The following CHCHD6 variants were observed in gnomAD, a reference collection of about 807,000 sequenced individuals.
CHCHD6 encodes coiled-coil-helix-coiled-coil-helix domain containing 6.
CHCHD6 carries 28 observed loss-of-function variants against 32.3 expected under a neutral mutation model. That is an observed-to-expected ratio of 0.87 (90% CI 0.64 to 1.19). The LOEUF (loss-of-function observed/expected upper bound fraction) is 1.19, where lower values mean the gene tolerates loss of function less well. Among genes scored for constraint, CHCHD6 ranks in the 50% most tolerant of loss-of-function variants. The pLI is 0.00. For missense variants in CHCHD6, 333 were observed against 307.0 expected (o/e 1.08, Z -0.63); for synonymous variants, 122 against 117.5 (o/e 1.04, Z -0.25).
At chr3:126,866,523 T>G (rs1942294006) in intron 5 of CHCHD6, among the ~76,000 whole-genome samples, 2 of 152,250 alleles carry the variant, frequency 1.3e-5, no homozygotes, top group Non-Finnish European at 2.9e-5. Context: ...AGTTGTCACA[T>G]GAATGATTTG....
chr3:126,853,314 A>G (rs895923092), intron 5 of CHCHD6, among the ~76,000 whole-genome samples: 1 of 150,770 alleles, frequency 6.6e-6, no homozygotes, highest in Non-Finnish European at 1.5e-5. Flanking sequence ...TAACTTGCTT[A>G]TTTTTTGGTT....
chr3:126,790,155 A>G (rs534291085), intron 4 of CHCHD6, among the ~76,000 whole-genome samples: 10 of 151,092 alleles, frequency 6.6e-5, no homozygotes, highest in African/African-American at 2.4e-4. Flanking sequence ...ATCGGCCCCC[A>G]CTCTCTTCTG....
intron 7 of CHCHD6, among the ~76,000 whole-genome samples, chr3:126,958,699 G>T (rs532855105): frequency 9.8e-5 from 15 of 152,328 alleles, no homozygotes; most frequent in African/African-American, 3.4e-4. Flanking sequence ...ATGAGTGGTC[G>T]CAAGGCCTCT....
At chr3:126,738,090 TC>T (rs1936127930) in intron 4 of CHCHD6, among the ~76,000 whole-genome samples, 1 of 152,200 alleles carries the variant, frequency 6.6e-6, no homozygotes, top group African/African-American at 2.4e-5. Flanking sequence ...AGAGTAGCTG[TC>T]CTGTCCTGTT....
intron 5 of CHCHD6, among the ~76,000 whole-genome samples, chr3:126,911,487 G>A (rs116560258): frequency 0.012 from 1,815 of 152,362 alleles, 20 homozygotes; most frequent in Middle Eastern, 0.048. Flanking sequence ...CGAGTGCCAA[G>A]GGAGCTGCGG....
chr3:126,776,236 T>C (rs560537868), intron 4 of CHCHD6, among the ~76,000 whole-genome samples: 12 of 152,372 alleles, frequency 7.9e-5, no homozygotes, highest in African/African-American at 2.9e-4. Context: ...GCTCCTAAAT[T>C]ATATTTTGCA....
intron 1 of CHCHD6, among the ~76,000 whole-genome samples, chr3:126,710,333 T>C (rs1934691688): frequency 6.6e-6 from 1 of 152,200 alleles, no homozygotes; most frequent in Non-Finnish European, 1.5e-5. Context: ...CATGCTGTCA[T>C]GCTGATTATT....
chr3:126,762,318 G>A (rs1002755716), intron 4 of CHCHD6, among the ~76,000 whole-genome samples: 4 of 152,080 alleles, frequency 2.6e-5, no homozygotes, highest in Admixed American at 1.3e-4. Flanking sequence ...CTTCTATCCC[G>A]TAAGTTTTGG....
chr3:126,722,274 G>A (rs1000382016), intron 1 of CHCHD6, among the ~76,000 whole-genome samples: 2 of 152,158 alleles, frequency 1.3e-5, no homozygotes, highest in Admixed American at 1.3e-4. Flanking sequence ...TTTTGCCTCA[G>A]CCTCCCAAGA....
At chr3:126,759,407 T>A (rs1244759025) in intron 4 of CHCHD6, among the ~76,000 whole-genome samples, 5 of 152,230 alleles carry the variant, frequency 3.3e-5, no homozygotes. Flanking sequence ...TCAGTTTTCC[T>A]TGTCCCAATC....
At chr3:126,823,584 C>G (rs1288767048) in intron 4 of CHCHD6, among the ~76,000 whole-genome samples, 1 of 152,058 alleles carries the variant, frequency 6.6e-6, no homozygotes, top group Non-Finnish European at 1.5e-5. Flanking sequence ...AATTGACTTA[C>G]TAGTTCATGT....
At chr3:126,939,441 G>A (rs772367634) in intron 6 of CHCHD6, among the ~76,000 whole-genome samples, 12 of 152,136 alleles carry the variant, frequency 7.9e-5, no homozygotes, top group Admixed American at 6.5e-4. Flanking sequence ...GATTTCATGC[G>A]CATTTCAGCC....
intron 4 of CHCHD6, among the ~76,000 whole-genome samples, chr3:126,819,659 C>G (rs1391775543): frequency 6.6e-6 from 1 of 152,194 alleles, no homozygotes; most frequent in Non-Finnish European, 1.5e-5. Context: ...CTGAGATGAT[C>G]AGTGGCCACA....
chr3:126,839,764 G>C (rs565706525), intron 4 of CHCHD6, among the ~76,000 whole-genome samples: 1 of 151,768 alleles, frequency 6.6e-6, no homozygotes, highest in Non-Finnish European at 1.5e-5. Context: ...AATATAATTC[G>C]TTTCTTTGGT....
At chr3:126,751,280 T>C (rs1429747936) in intron 4 of CHCHD6, among the ~76,000 whole-genome samples, 1 of 151,972 alleles carries the variant, frequency 6.6e-6, no homozygotes, top group Non-Finnish European at 1.5e-5. Flanking sequence ...GGTGGGCCGA[T>C]TGCTTGAGGC....
chr3:126,865,760 T>A, intron 5 of CHCHD6: 1 of 979,526 alleles, frequency 1.0e-6, no homozygotes, highest in Non-Finnish European at 1.2e-6. Context: ...AAAGATGTGT[T>A]TCTTTACCTC....
intron 6 of CHCHD6, among the ~76,000 whole-genome samples, chr3:126,950,731 T>A (rs1009975974): frequency 3.3e-5 from 5 of 152,006 alleles, no homozygotes; most frequent in African/African-American, 1.2e-4. Context: ...ATTACAGGCA[T>A]GAGCCATTGC....
chr3:126,827,296 G>A (rs1199078325), intron 4 of CHCHD6, among the ~76,000 whole-genome samples: 1 of 152,228 alleles, frequency 6.6e-6, no homozygotes, highest in Admixed American at 6.5e-5. Flanking sequence ...TATGAGGAGT[G>A]TTCCAGAGCA....
chr3:126,865,687 T>C, intron 5 of CHCHD6: 1 of 985,350 alleles, frequency 1.0e-6, no homozygotes, highest in Non-Finnish European at 1.2e-6. Flanking sequence ...CCCACTTCCA[T>C]TACCACCACA....
Sources: gnomAD v4.1 joint callset for allele counts (sites outside exome capture counted in the v4.1 genomes callset) on GRCh38, gnomAD v4.1.1 for gene constraint, MANE v1.5 for transcripts, NCBI Gene and HGNC (gene_info 2026-07-23, HGNC 2026-07-21) for gene names.